The following PCCA variants were observed in gnomAD, a reference collection of about 807,000 sequenced individuals.
PCCA encodes the protein propionyl-CoA carboxylase alpha chain, mitochondrial.
In PCCA, 74 loss-of-function variants were observed where a neutral mutation model predicts 101.3. The observed-to-expected ratio is 0.73, with a 90% confidence interval of 0.61 to 0.89. The LOEUF (loss-of-function observed/expected upper bound fraction) is 0.89, where lower values mean the gene tolerates loss of function less well. PCCA is among the 40% of genes least tolerant of loss of function. The pLI is 0.00. For missense variants in PCCA, 891 were observed against 907.0 expected (o/e 0.98, Z 0.23); for synonymous variants, 294 against 313.6 (o/e 0.94, Z 0.66).
At chr13:100,386,482 C>T (rs2152834927) in intron 19 of PCCA, among the ~76,000 whole-genome samples, 1 of 152,182 alleles carries the variant, frequency 6.6e-6, no homozygotes, top group Admixed American at 6.5e-5. Context: ...CCCAGGTTCA[C>T]ACCATTCTCC....
intron 7 of PCCA, among the ~76,000 whole-genome samples, chr13:100,211,937 C>T (rs1431726245): frequency 2.0e-5 from 3 of 152,058 alleles, no homozygotes; most frequent in African/African-American, 4.8e-5. Flanking sequence ...ACGGGGGTCT[C>T]ACTATTTTGC....
At chr13:100,444,285 A>G (rs1196950422) in intron 20 of PCCA, among the ~76,000 whole-genome samples, 2 of 148,344 alleles carry the variant, frequency 1.3e-5, no homozygotes, top group Admixed American at 1.3e-4. Context: ...GCTCACTGCA[A>G]CCTCCACCTC....
intron 19 of PCCA, among the ~76,000 whole-genome samples, chr13:100,424,598 C>G (rs2079021787): frequency 1.3e-5 from 2 of 152,214 alleles, no homozygotes; most frequent in African/African-American, 4.8e-5. Flanking sequence ...AGAAGCAGAC[C>G]TCTTGCCTGG....
Position 100,394,157 on chromosome 13 carries a change from A to T in PCCA, c.1746+25583A>T, listed in dbSNP as rs2076942869. ...GGCGGTTTGAGATGCAGCTTCTCAG[A>T]TGGATTTAATTAGTCCTTCGTAGAA... is the stretch of plus-strand genomic sequence containing the variant. On this transcript the variant is annotated intron_variant, in intron 19 of 23. Transcript: ENST00000376285. The surrounding 1 kb of genome is among the most constrained non-coding windows in gnomAD (Gnocchi z 4.3). Among the ~76,000 whole-genome samples, 1 of 152,306 alleles carries T rather than the reference A, an allele frequency of 6.6e-6. No homozygotes were observed. Among genetic ancestry groups the T allele is most frequent in the Non-Finnish European group, 1.5e-5 (1 of 68,034 alleles).
chr13:100,376,758 C>T (rs146861386), intron 19 of PCCA, among the ~76,000 whole-genome samples: 1,663 of 152,280 alleles, frequency 0.011, 34 homozygotes, highest in African/African-American at 0.037. Context: ...GGCTGGGATC[C>T]GCTGAGCAAG....
chr13:100,317,888 C>T (rs749711969), intron 16 of PCCA, among the ~76,000 whole-genome samples: 14 of 152,140 alleles, frequency 9.2e-5, no homozygotes, highest in Non-Finnish European at 1.9e-4. Flanking sequence ...GCACCTGGCC[C>T]TCATCTCCCC....
chr13:100,184,489 C>T (rs577348610), intron 6 of PCCA, among the ~76,000 whole-genome samples: 4 of 152,282 alleles, frequency 2.6e-5, no homozygotes, highest in South Asian at 2.1e-4. Flanking sequence ...AACTGTTGCA[C>T]GAGCTTATGA....
chr13:100,313,068 T>G (rs1335572571), intron 16 of PCCA, among the ~76,000 whole-genome samples: 1 of 152,090 alleles, frequency 6.6e-6, no homozygotes, highest in Non-Finnish European at 1.5e-5. Context: ...TTAATAAACT[T>G]TTTTTTGATA....
At chr13:100,223,745 G>A (rs969381131) in intron 7 of PCCA, among the ~76,000 whole-genome samples, 1 of 152,108 alleles carries the variant, frequency 6.6e-6, no homozygotes, top group South Asian at 2.1e-4. Flanking sequence ...ACTGATTGGT[G>A]CGTTTATAAT....
intron 6 of PCCA, among the ~76,000 whole-genome samples, chr13:100,172,346 A>G (rs184162841): frequency 6.6e-6 from 1 of 152,318 alleles, no homozygotes; most frequent in African/African-American, 2.4e-5. Flanking sequence ...TTTTAAAAAC[A>G]AATATTTTTT....
At chr13:100,169,240 G>A (rs1182546231) in intron 6 of PCCA, among the ~76,000 whole-genome samples, 1 of 125,868 alleles carries the variant, frequency 7.9e-6, no homozygotes, top group Non-Finnish European at 1.9e-5. Context: ...TCAGCAGTTT[G>A]AGACCAACCT....
intron 6 of PCCA, among the ~76,000 whole-genome samples, chr13:100,192,987 C>T (rs1299796744): frequency 6.6e-6 from 1 of 152,176 alleles, no homozygotes; most frequent in African/African-American, 2.4e-5. Context: ...ACCATGTCTA[C>T]TTAACCAGCC....
intron 12 of PCCA, among the ~76,000 whole-genome samples, chr13:100,282,965 T>A (rs2152630844): frequency 6.6e-6 from 1 of 152,062 alleles, no homozygotes; most frequent in African/African-American, 2.4e-5. Context: ...CCCTCCTGGC[T>A]ATTGGTTATG....
intron 4 of PCCA, among the ~76,000 whole-genome samples, chr13:100,115,641 C>T (rs909829861): frequency 2.6e-5 from 4 of 152,146 alleles, no homozygotes; most frequent in Admixed American, 6.5e-5. Flanking sequence ...AGATGCAGTA[C>T]ATTACCGACC....
At chr13:100,425,812 C>A in intron 20 of PCCA, 81 bp downstream of exon 20, 1 of 881,814 alleles carries the variant, frequency 1.1e-6, no homozygotes. Context: ...ATACTTAGAG[C>A]TATAGGAGGG....
chr13:100,089,199 C>G lies in PCCA; in HGVS notation c.79C>G (p.Leu27Val). Residue 27 changes from leucine (L) to valine (V), a missense_variant, in exon 1 of 24, where the codon CTG becomes GTG. By Grantham distance (32) the Leu-to-Val change is conservative. Coordinates refer to ENST00000376285, the MANE Select transcript of PCCA (RefSeq NM_000282.4). ...GCGGTGGCCGCCGCAGCAGCTGATG[C>G]TGAGCGCGGCGCTGCGGACCCTGAA... is the stretch of plus-strand genomic sequence containing the variant. Reference protein sequence around the residue: ...RGRWPPQQLMLSAALRTLKHV... With the variant: ...RGRWPPQQLMVSAALRTLKHV... The G allele has an allele frequency of 6.6e-7, 1 of 1,526,244 alleles. No individual in the cohort carries two copies. Among genetic ancestry groups the G allele is most frequent in the South Asian group, 1.3e-5 (1 of 79,996 alleles). 94.5% of individuals were successfully genotyped at this position (1,526,244 alleles called of 1,614,324 possible).
intron 5 of PCCA, among the ~76,000 whole-genome samples, chr13:100,156,379 T>C (rs1420772585): frequency 6.6e-6 from 1 of 152,220 alleles, no homozygotes; most frequent in Non-Finnish European, 1.5e-5. Flanking sequence ...GAGTTCAGCA[T>C]TTAAAAGTCG....
At chr13:100,282,237 G>A (rs943447802) in intron 12 of PCCA, among the ~76,000 whole-genome samples, 3 of 152,238 alleles carry the variant, frequency 2.0e-5, no homozygotes, top group African/African-American at 7.2e-5. Flanking sequence ...CAGGGCAGGT[G>A]CTTTCTGAGC....
At chr13:100,163,472 C>T (rs2054707367) in intron 6 of PCCA, among the ~76,000 whole-genome samples, 1 of 152,148 alleles carries the variant, frequency 6.6e-6, no homozygotes, top group Admixed American at 6.5e-5. Context: ...CTGTGTGTTT[C>T]TTGTAGCCAG....
Sources: allele counts gnomAD v4.1 joint callset (sites outside exome capture counted in the v4.1 genomes callset), GRCh38; gene constraint gnomAD v4.1.1; non-coding constraint Gnocchi (gnomAD v3.1); transcripts MANE v1.5; gene names NCBI Gene and HGNC (gene_info 2026-07-23, HGNC 2026-07-21).